WWC1: variants seen among roughly 807,000 people sequenced by gnomAD.
WWC1 encodes the protein WW and C2 domain containing 1.
WWC1 carries 55 observed loss-of-function variants against 138.4 expected under a neutral mutation model. The ratio of observed to expected loss-of-function variants is 0.40; its 90% CI spans 0.32 to 0.50. The LOEUF (loss-of-function observed/expected upper bound fraction) is 0.50. WWC1 is among the 20% of genes least tolerant of loss of function. The pLI is 0.72. For missense variants in WWC1, 1,226 were observed against 1,420.4 expected, an observed-to-expected ratio of 0.86 and a Z score of 2.20; for synonymous variants, 524 against 564.9, an observed-to-expected ratio of 0.93 and a Z score of 1.03.
chr5:168,425,571 AACCTCC>A (rs1781439667), intron 11 of WWC1, among the ~76,000 whole-genome samples: 1 of 149,156 alleles, frequency 6.7e-6, no homozygotes, highest in African/African-American at 2.5e-5. Context: ...GGCTCACTGC[AACCTCC>A]ACCTCCTGGG....
rs563252100 is a variant in WWC1 at position 168,321,662 on chromosome 5, C to T, written c.119+29391C>T. Among the ~76,000 whole-genome samples, 19 of 151,990 alleles carry T rather than the reference C, an allele frequency of 1.3e-4. No homozygotes were observed. The East Asian group carries it at 2.3e-3, about 19-fold the overall frequency. ...AAGCGATTCTCCTGCCTCAGCCTCCCGAGTAGCTGGGATTACAGGCATGTG... is the reference window on the plus strand; with the variant it reads ...AAGCGATTCTCCTGCCTCAGCCTCCTGAGTAGCTGGGATTACAGGCATGTG... On this transcript the variant is annotated intron_variant, in intron 1 of 22. Transcript: ENST00000265293.
chr5:168,334,163 G>A (rs1773261850), intron 1 of WWC1, among the ~76,000 whole-genome samples: 1 of 150,710 alleles, frequency 6.6e-6, no homozygotes, highest in African/African-American at 2.4e-5. Context: ...GTTCAGGCTT[G>A]CAGTGAGCTA....
At position 168,372,034 on chromosome 5, in the gene WWC1, AG is replaced by A. The variant is rs1776790061; in HGVS notation, c.229+502del. ...CATAGTGAATTGGCGAGAGAGAGAG[AG>A]AGAGAGAAAGAGTGTGTTTGTGTGT... is the stretch of plus-strand genomic sequence containing the variant. On this transcript the variant is annotated intron_variant, in intron 2 of 22. Coordinates refer to ENST00000265293, the MANE Select transcript of WWC1 (RefSeq NM_015238.3). Among the ~76,000 whole-genome samples, 31 of 144,110 alleles carry A rather than the reference AG, an allele frequency of 2.2e-4. 1 individual carries two copies. In the South Asian group the frequency reaches 7.3e-3, roughly 34 times the overall value. The allele number at this position is 144,110 out of a possible 152,430, so 94.5% of individuals were successfully genotyped here. A position where few individuals can be genotyped will look rare whatever the true frequency, so the allele number is the denominator to read the frequency against.
At chr5:168,367,533 G>GTTTTAGCCGGGA (rs200033508) in intron 1 of WWC1, among the ~76,000 whole-genome samples, 3 of 144,136 alleles carry the variant, frequency 2.1e-5, no homozygotes, top group Non-Finnish European at 4.6e-5. Flanking sequence ...GGGTTTCACC[G>GTTTTAGCCGGGA]TGGTCTCGAT....
intron 19 of WWC1, among the ~76,000 whole-genome samples, chr5:168,459,632 T>C (rs963748435): frequency 6.6e-6 from 1 of 152,198 alleles, no homozygotes; most frequent in Non-Finnish European, 1.5e-5. Context: ...AGCGTCTGGT[T>C]CTGTTGAGGC....
chr5:168,362,217 C>T (rs1411027633), intron 1 of WWC1, among the ~76,000 whole-genome samples: 1 of 152,190 alleles, frequency 6.6e-6, no homozygotes, highest in Non-Finnish European at 1.5e-5. Context: ...CTGAATGGTA[C>T]CTGCCTGAAA....
At chr5:168,300,668 T>C (rs1360055831) in intron 1 of WWC1, among the ~76,000 whole-genome samples, 1 of 151,872 alleles carries the variant, frequency 6.6e-6, no homozygotes, top group East Asian at 1.9e-4. Context: ...CATCACTCTC[T>C]GGCAGCGAGG....
intron 9 of WWC1, among the ~76,000 whole-genome samples, chr5:168,421,359 A>G (rs1292510398): frequency 1.3e-5 from 2 of 152,218 alleles, no homozygotes; most frequent in African/African-American, 4.8e-5. Flanking sequence ...CTTGACTGGA[A>G]GAGGCTCACC....
At chr5:168,462,175 T>C in intron 20 of WWC1, among the ~76,000 whole-genome samples, 1 of 152,190 alleles carries the variant, frequency 6.6e-6, no homozygotes, top group East Asian at 1.9e-4. Flanking sequence ...CACTGCCTGC[T>C]GACAGCCAGA....
intron 22 of WWC1, 134 bp downstream of exon 22, chr5:168,468,098 C>T: frequency 7.0e-7 from 1 of 1,428,770 alleles, no homozygotes; most frequent in Non-Finnish European, 9.5e-7. Context: ...TGTTCATCCT[C>T]CGCCAAGCCA....
At chr5:168,392,997 A>G (rs1023802238) in intron 3 of WWC1, among the ~76,000 whole-genome samples, 1 of 152,182 alleles carries the variant, frequency 6.6e-6, no homozygotes, top group Non-Finnish European at 1.5e-5. Context: ...AGAATAAAAA[A>G]GAGCTCATGG....
chr5:168,338,632 C>T (rs1005493544), intron 1 of WWC1, among the ~76,000 whole-genome samples: 8 of 151,990 alleles, frequency 5.3e-5, no homozygotes, highest in South Asian at 2.1e-4. Flanking sequence ...AGGCTGGTCT[C>T]GAACTCCCGG....
At chr5:168,347,041 T>A (rs1157147538) in intron 1 of WWC1, among the ~76,000 whole-genome samples, 1 of 152,190 alleles carries the variant, frequency 6.6e-6, no homozygotes, top group African/African-American at 2.4e-5. Context: ...GGATGGTTCC[T>A]GGATCATTCT....
At chr5:168,442,219 C>G (rs141474681) in intron 16 of WWC1, among the ~76,000 whole-genome samples, 1 of 152,228 alleles carries the variant, frequency 6.6e-6, no homozygotes, top group Non-Finnish European at 1.5e-5. Context: ...TAAGAGGCAG[C>G]TAGAAATCAT....
At chr5:168,346,636 A>G (rs924429841) in intron 1 of WWC1, among the ~76,000 whole-genome samples, 1 of 152,250 alleles carries the variant, frequency 6.6e-6, no homozygotes, top group South Asian at 2.1e-4. Context: ...AGAGGAATTC[A>G]GGTGAGCCAT....
intron 1 of WWC1, among the ~76,000 whole-genome samples, chr5:168,347,221 G>T (rs1774552528): frequency 6.6e-6 from 1 of 152,204 alleles, no homozygotes; most frequent in South Asian, 2.1e-4. Context: ...CTGTAGATGG[G>T]TGCTGTGTCC....
chr5:168,292,012 C>A lies in WWC1; in HGVS notation c.-141C>A. The A allele has an allele frequency of 9.8e-7, 1 of 1,021,674 alleles. No homozygotes were observed. The highest frequency in any genetic ancestry group is 1.3e-6 in the Non-Finnish European group (1 of 764,362). 63.3% of individuals were successfully genotyped at this position (1,021,674 alleles called of 1,614,324 possible). On this transcript the variant is annotated 5_prime_UTR_variant, in exon 1 of 23. It introduces an in-frame stop codon into an upstream open reading frame of the 5' UTR. Coordinates refer to ENST00000265293, the MANE Select transcript of WWC1 (RefSeq NM_015238.3). This position sits in a 1 kb window ranked among gnomAD's most constrained non-coding sequence, Gnocchi z 4.4. ...GCGGCGCCACCCCGGCCGGCCCCTACTAGGGCCCCCCATCTGCGGGCGCCA... is the reference window on the plus strand; with the variant it reads ...GCGGCGCCACCCCGGCCGGCCCCTAATAGGGCCCCCCATCTGCGGGCGCCA...
intron 17 of WWC1, among the ~76,000 whole-genome samples, chr5:168,452,455 C>T (rs1219670130): frequency 2.0e-5 from 3 of 152,166 alleles, no homozygotes; most frequent in African/African-American, 7.2e-5. Context: ...GCACAGAGGA[C>T]AGACTGTGTG....
intron 17 of WWC1, 117 bp from the exon 18 acceptor site, chr5:168,453,851 T>C: frequency 6.6e-7 from 1 of 1,514,514 alleles, no homozygotes; most frequent in Non-Finnish European, 8.8e-7. Context: ...CAAAACTTTT[T>C]AAAATATATC....
Sources: gnomAD v4.1 joint callset for allele counts (sites outside exome capture counted in the v4.1 genomes callset) on GRCh38, gnomAD v4.1.1 for gene constraint, Gnocchi (gnomAD v3.1) non-coding constraint, MANE v1.5 for transcripts, NCBI Gene and HGNC (gene_info 2026-07-23, HGNC 2026-07-21) for gene names.